The following NAALADL2 variants were observed in gnomAD, a reference collection of about 807,000 sequenced individuals.
NAALADL2 encodes the protein inactive N-acetylated-alpha-linked acidic dipeptidase-like protein 2.
Under a neutral mutation model 87.2 loss-of-function variants are expected in NAALADL2, and 76 were observed. The observed-to-expected ratio is 0.87, with a 90% confidence interval of 0.72 to 1.05. NAALADL2 has a LOEUF of 1.05. Among genes scored for constraint, NAALADL2 ranks in the 50% least tolerant of loss-of-function variants. The probability of loss-of-function intolerance (pLI) is 0.00; values close to 1 mark genes in which losing one functional copy is unlikely to be tolerated. For synonymous variants in NAALADL2, 354 were observed against 331.0 expected (o/e 1.07, Z -0.75); for missense variants, 1,089 against 945.8 (o/e 1.15, Z -1.99).
At chr3:175,747,086 G>A (rs1038170030) in intron 12 of NAALADL2, among the ~76,000 whole-genome samples, 9 of 152,176 alleles carry the variant, frequency 5.9e-5, no homozygotes, top group Admixed American at 1.3e-4. Context: ...GGCTCTTTAA[G>A]GCTGATTGTC....
intron 4 of NAALADL2, among the ~76,000 whole-genome samples, chr3:175,277,756 C>G (rs1753784543): frequency 6.6e-6 from 1 of 151,998 alleles, no homozygotes; most frequent in African/African-American, 2.4e-5. Context: ...TCTTGTATAA[C>G]TTCACTTCTT....
Position 175,808,009 on chromosome 3 carries a change from A to T in NAALADL2, c.*4806A>T, listed in dbSNP as rs1418517781. ...ACTCAAGTTTCTGTTTTCTAGGTAC[A>T]CTCTAGCATTGTAACTTTTTCCCCC... is the stretch of plus-strand genomic sequence containing the variant. On this transcript the variant is annotated 3_prime_UTR_variant, in exon 14 of 14. Coordinates refer to ENST00000454872, the MANE Select transcript of NAALADL2 (RefSeq NM_207015.3). The T allele has an allele frequency of 6.6e-6, 1 of 151,886 alleles. No individual in the cohort carries two copies. Among genetic ancestry groups the T allele is most frequent in the Non-Finnish European group, 1.5e-5 (1 of 67,886 alleles). The allele number at this position is 151,886 out of a possible 1,614,324, so 9.4% of individuals were successfully genotyped here.
chr3:175,577,251 T>G (rs937950304), intron 10 of NAALADL2, among the ~76,000 whole-genome samples: 1 of 152,182 alleles, frequency 6.6e-6, no homozygotes, highest in Non-Finnish European at 1.5e-5. Flanking sequence ...ATTTAGGGAC[T>G]CTACAGAGCT....
intron 5 of NAALADL2, among the ~76,000 whole-genome samples, chr3:175,421,020 C>T (rs746332441): frequency 5.3e-5 from 8 of 152,042 alleles, no homozygotes; most frequent in South Asian, 4.1e-4. Flanking sequence ...ATTTCTGGAA[C>T]GGATATAGAA....
At chr3:175,549,784 A>G (rs769980311) in intron 9 of NAALADL2, among the ~76,000 whole-genome samples, 27 of 152,104 alleles carry the variant, frequency 1.8e-4, no homozygotes, top group Admixed American at 1.8e-3. Context: ...AGAAGTTATT[A>G]TTACACTAGC....
Position 174,761,613 on chromosome 3 carries a change from G to T in NAALADL2, c.-9+23867G>T, listed in dbSNP as rs535863. On this transcript the variant is annotated intron_variant, in intron 3 of 3. Transcript: ENST00000434257. The stretch of plus-strand genomic sequence containing the variant: ...AAAAGTTTTTGCAATTACTTTTTAA[G>T]AAAAATTTTTTTATTATTATACTTT... Among the ~76,000 whole-genome samples the T allele has an allele frequency of 4.0e-5, 6 of 151,858 alleles. No homozygotes were observed. The South Asian group carries it at 1.2e-3, about 32-fold the overall frequency.
At chr3:174,978,854 A>G (rs1393810705) in intron 1 of NAALADL2, among the ~76,000 whole-genome samples, 4 of 152,218 alleles carry the variant, frequency 2.6e-5, no homozygotes, top group African/African-American at 9.6e-5. Context: ...CCTTGGAGGC[A>G]CTTGTGTTTA....
chr3:175,301,769 AC>A (rs1422310357), intron 4 of NAALADL2, among the ~76,000 whole-genome samples: 1 of 152,200 alleles, frequency 6.6e-6, no homozygotes, highest in Non-Finnish European at 1.5e-5. Flanking sequence ...CTAAAGTAAC[AC>A]CAGTAACAGT....
chr3:174,685,241 C>T (rs1727921630), intron 2 of NAALADL2, among the ~76,000 whole-genome samples: 1 of 152,078 alleles, frequency 6.6e-6, no homozygotes, highest in Non-Finnish European at 1.5e-5. Flanking sequence ...CTTGGTCTTC[C>T]TTCAGTTCTT....
intron 5 of NAALADL2, among the ~76,000 whole-genome samples, chr3:175,355,507 C>T (rs972643160): frequency 2.0e-5 from 3 of 152,170 alleles, no homozygotes; most frequent in Non-Finnish European, 4.4e-5. Flanking sequence ...TTACTGATTG[C>T]GCTCAGGCTG....
At chr3:174,792,062 C>G (rs1250040107) in intron 3 of NAALADL2, among the ~76,000 whole-genome samples, 1 of 151,928 alleles carries the variant, frequency 6.6e-6, no homozygotes, top group Non-Finnish European at 1.5e-5. Context: ...AAAAAACAAA[C>G]AAACAAACAA....
intron 3 of NAALADL2, among the ~76,000 whole-genome samples, chr3:174,819,760 C>G (rs1240113225): frequency 8.0e-5 from 12 of 150,050 alleles, no homozygotes; most frequent in Admixed American, 7.9e-4. Context: ...TATCTCTCAT[C>G]TACAAAATAA....
At chr3:175,403,386 C>T (rs1711710047) in intron 5 of NAALADL2, among the ~76,000 whole-genome samples, 1 of 151,990 alleles carries the variant, frequency 6.6e-6, no homozygotes, top group Non-Finnish European at 1.5e-5. Context: ...TATTTGGTTG[C>T]TACAAAATGT....
At chr3:174,643,467 A>G (rs150720170) in intron 2 of NAALADL2, among the ~76,000 whole-genome samples, 2 of 152,206 alleles carry the variant, frequency 1.3e-5, no homozygotes, top group African/African-American at 4.8e-5. Flanking sequence ...GCCTTGGCCA[A>G]CACAATGAAA....
intron 9 of NAALADL2, among the ~76,000 whole-genome samples, chr3:175,494,677 G>A (rs1169794657): frequency 6.6e-6 from 1 of 152,080 alleles, no homozygotes; most frequent in East Asian, 1.9e-4. Context: ...ATACCCACAG[G>A]TACCGATTTC....
chr3:174,933,346 C>T (rs1217684736), intron 1 of NAALADL2, among the ~76,000 whole-genome samples: 3 of 152,126 alleles, frequency 2.0e-5, no homozygotes, highest in African/African-American at 4.8e-5. Flanking sequence ...TCTTCTACTT[C>T]GAGCTACTCT....
intron 2 of NAALADL2, among the ~76,000 whole-genome samples, chr3:174,664,519 G>T (rs1264056691): frequency 6.6e-6 from 1 of 152,096 alleles, no homozygotes; most frequent in African/African-American, 2.4e-5. Context: ...AATGGATGTT[G>T]TCATAAATAT....
At chr3:175,005,723 T>C (rs192269003) in intron 1 of NAALADL2, among the ~76,000 whole-genome samples, 201 of 152,304 alleles carry the variant, frequency 1.3e-3, no homozygotes, top group Admixed American at 2.1e-3. Flanking sequence ...GAGACAAATA[T>C]AACAATTTGG....
intron 3 of NAALADL2, among the ~76,000 whole-genome samples, chr3:174,826,372 T>G (rs1418191667): frequency 6.6e-6 from 1 of 152,168 alleles, no homozygotes; most frequent in Non-Finnish European, 1.5e-5. Context: ...ACAAGTTTCT[T>G]TTTCCTTTTT....
Sources: allele counts gnomAD v4.1 joint callset (sites outside exome capture counted in the v4.1 genomes callset), GRCh38; gene constraint gnomAD v4.1.1; transcripts MANE v1.5; gene names NCBI Gene and HGNC (gene_info 2026-07-23, HGNC 2026-07-21).